Variants in KCNJ10 observed in about 807,000 individuals in gnomAD.
KCNJ10 encodes potassium inwardly rectifying channel subfamily J member 10, also known as ATP-sensitive inward rectifier potassium channel 10.
A neutral mutation model predicts 22.2 loss-of-function variants in KCNJ10; 9 were observed. The ratio of observed to expected loss-of-function variants is 0.40; its 90% CI spans 0.24 to 0.71. The LOEUF is 0.71. Among genes scored for constraint, KCNJ10 ranks in the 30% least tolerant of loss-of-function variants. KCNJ10 has a pLI of 0.35. For missense variants in KCNJ10, 337 were observed against 482.7 expected, an observed-to-expected ratio of 0.70 and a Z score of 2.83; for synonymous variants, 184 against 187.3, an observed-to-expected ratio of 0.98 and a Z score of 0.15.
intron 1 of KCNJ10, among the ~76,000 whole-genome samples, chr1:160,053,244 C>T (rs1314624534): frequency 6.6e-6 from 1 of 152,226 alleles, no homozygotes; most frequent in African/African-American, 2.4e-5. Flanking sequence ...TCAGCCTCAT[C>T]TCACCAACCA....
At position 160,040,884 on chromosome 1, in the gene KCNJ10, T is replaced by C. The variant is rs1158155213; in HGVS notation, c.*509A>G. 9.1e-6 allele frequency: 3 copies of C among 329,656 alleles called. No homozygotes were observed. The highest frequency in any genetic ancestry group is 1.7e-5 in the Non-Finnish European group (3 of 181,206). The allele number at this position is 329,656 out of a possible 1,614,324, so 20.4% of individuals were successfully genotyped here. A position where few individuals can be genotyped will look rare whatever the true frequency, so the allele number is the denominator to read the frequency against. ...AAACCCTGGCTTCTTTCAACAGAGA[T>C]TGGTAGAAACCCTAGGATATGTTGA... On this transcript the variant is annotated 3_prime_UTR_variant, in exon 2 of 2. Transcript: ENST00000644903.
chr1:160,059,361 T>C (rs976638546), intron 1 of KCNJ10, among the ~76,000 whole-genome samples: 2 of 152,350 alleles, frequency 1.3e-5, no homozygotes, highest in African/African-American at 4.8e-5. Context: ...ATCACACTGC[T>C]AGCTGGTAGC....
At chr1:160,044,439 C>T (rs1648687675) in intron 1 of KCNJ10, among the ~76,000 whole-genome samples, 4 of 152,224 alleles carry the variant, frequency 2.6e-5, no homozygotes, top group South Asian at 4.1e-4. Flanking sequence ...AGAATACCTT[C>T]TCATTTGATC....
chr1:160,042,638 A>G (rs1648639624), intron 1 of KCNJ10, 106 bp from the exon 2 acceptor site: 1 of 1,025,714 alleles, frequency 9.7e-7, no homozygotes, highest in Non-Finnish European at 1.5e-6. Flanking sequence ...AATGTCGCTT[A>G]TGTGTTCTTG....
intron 1 of KCNJ10, among the ~76,000 whole-genome samples, chr1:160,061,445 T>C (rs962672509): frequency 3.3e-5 from 5 of 152,046 alleles, no homozygotes; most frequent in African/African-American, 4.8e-5. Context: ...GTTATTCACA[T>C]AGAGCTCAGT....
In KCNJ10 at chr1:160,041,567, T is replaced by TC; in HGVS notation, c.965_966insG (p.Tyr323IlefsTer4). On this transcript the variant is annotated frameshift_variant, in exon 2 of 2. Coordinates refer to ENST00000644903, the MANE Select transcript of KCNJ10 (RefSeq NM_002241.5). LOFTEE classifies it high-confidence loss of function. The surrounding 1 kb of genome is among the most constrained non-coding windows in gnomAD (Gnocchi z 4.4). ...CAAAAAGGCTAAAGTCAGCTATGTA[T>TC]TTACCACTGGCTGACAGTGAGATGG... The TC allele has an allele frequency of 6.2e-7, 1 of 1,614,134 alleles. No individual in the cohort carries two copies. Among genetic ancestry groups the TC allele is most frequent in the Non-Finnish European group, 8.5e-7 (1 of 1,180,032 alleles).
chr1:160,045,851 G>C (rs1469467462), intron 1 of KCNJ10, among the ~76,000 whole-genome samples: 1 of 152,196 alleles, frequency 6.6e-6, no homozygotes, highest in Non-Finnish European at 1.5e-5. Context: ...GTGATCAAAG[G>C]CTTGGACTTG....
intron 1 of KCNJ10, among the ~76,000 whole-genome samples, chr1:160,060,437 G>A (rs1016848118): frequency 1.3e-5 from 2 of 152,190 alleles, no homozygotes; most frequent in African/African-American, 4.8e-5. Flanking sequence ...GATGGATGAG[G>A]CGGCTTAAGG....
intron 1 of KCNJ10, among the ~76,000 whole-genome samples, chr1:160,048,220 G>A (rs190058669): frequency 0.08 from 2,014 of 25,270 alleles, 39 homozygotes; most frequent in African/African-American, 0.25. Flanking sequence ...TGATCTGGAC[G>A]GGCCAAGGCC....
At chr1:160,065,578 G>A (rs917508495) in intron 1 of KCNJ10, among the ~76,000 whole-genome samples, 1 of 152,154 alleles carries the variant, frequency 6.6e-6, no homozygotes. Flanking sequence ...GAGATCTGCG[G>A]GAGGGGTGAG....
chr1:160,049,680 TATATATATATATATATA>T lies in KCNJ10; in HGVS notation c.1-7165_1-7149del, dbSNP rs1648840725. On this transcript the variant is annotated intron_variant, in intron 1 of 1. Transcript: ENST00000644903. ...GGATCCAGCATTTTATTTATTTATA[TATATATATATATATATA>T]TATATATATATATATATATATATGT... Among the ~76,000 whole-genome samples, 160 of 71,372 alleles carry T rather than the reference TATATATATATATATATA, an allele frequency of 2.2e-3. 3 individuals carry two copies. The highest frequency in any genetic ancestry group is 7.9e-3 in the African/African-American group (139 of 17,552). 46.8% of individuals were successfully genotyped at this position (71,372 alleles called of 152,430 possible). A position where few individuals can be genotyped will look rare whatever the true frequency, so the allele number is the denominator to read the frequency against.
At chr1:160,048,943 T>A (rs1234062591) in intron 1 of KCNJ10, among the ~76,000 whole-genome samples, 1 of 152,222 alleles carries the variant, frequency 6.6e-6, no homozygotes, top group Non-Finnish European at 1.5e-5. Flanking sequence ...TGCTCCTGGG[T>A]TTCTCTTCCT....
intron 1 of KCNJ10, among the ~76,000 whole-genome samples, chr1:160,058,212 G>A (rs1000356337): frequency 3.9e-5 from 6 of 152,040 alleles, no homozygotes; most frequent in Non-Finnish European, 7.4e-5. Flanking sequence ...TTCATCCTTC[G>A]GAAGTCCTTC....
chr1:160,061,006 C>CA (rs1649177397), intron 1 of KCNJ10, among the ~76,000 whole-genome samples: 1 of 152,092 alleles, frequency 6.6e-6, no homozygotes, highest in South Asian at 2.1e-4. Context: ...AGGGGTAGTG[C>CA]AAGGGTCAAA....
chr1:160,059,072 G>A (rs991131815), intron 1 of KCNJ10, among the ~76,000 whole-genome samples: 6 of 152,096 alleles, frequency 3.9e-5, no homozygotes, highest in African/African-American at 9.7e-5. Flanking sequence ...CTTCATCCTA[G>A]CCTCCCTAGG....
Position 160,042,052 on chromosome 1 carries a change from TGAA to T in KCNJ10, c.478_480del (p.Phe160del). On this transcript the variant is annotated inframe_deletion, in exon 2 of 2. Coordinates refer to ENST00000644903, the MANE Select transcript of KCNJ10 (RefSeq NM_002241.5). The stretch of plus-strand genomic sequence containing the variant: ...ATCTTCGCCAGGAAGGTACCTGTGA[TGAA>T]GATTTCCAGGATGGTGGTGAGCACC... The T allele has an allele frequency of 6.4e-7, 1 of 1,555,404 alleles. No homozygotes were observed. The highest frequency in any genetic ancestry group is 2.3e-5 in the East Asian group (1 of 44,422).
At chr1:160,049,286 G>A (rs562683701) in intron 1 of KCNJ10, among the ~76,000 whole-genome samples, 2 of 152,214 alleles carry the variant, frequency 1.3e-5, no homozygotes, top group African/African-American at 4.8e-5. Context: ...GTCTGCTTCT[G>A]AACCTGCTTT....
At chr1:160,043,680 A>T (rs1390565426) in intron 1 of KCNJ10, among the ~76,000 whole-genome samples, 2 of 152,248 alleles carry the variant, frequency 1.3e-5, no homozygotes, top group African/African-American at 4.8e-5. Flanking sequence ...TTTTGACAGA[A>T]TGAAGTAGAA....
intron 1 of KCNJ10, among the ~76,000 whole-genome samples, chr1:160,064,524 A>G (rs1649270654): frequency 6.6e-6 from 1 of 152,216 alleles, no homozygotes; most frequent in African/African-American, 2.4e-5. Flanking sequence ...AACATGCAAA[A>G]ATTAATAATT....
Sources: gnomAD v4.1 joint callset for allele counts (sites outside exome capture counted in the v4.1 genomes callset) on GRCh38, gnomAD v4.1.1 for gene constraint, Gnocchi (gnomAD v3.1) non-coding constraint, MANE v1.5 for transcripts, NCBI Gene and HGNC (gene_info 2026-07-23, HGNC 2026-07-21) for gene names.